The following BRAP variants were observed in gnomAD, a reference collection of about 807,000 sequenced individuals.
BRAP encodes BRCA1 associated protein.
In BRAP, 42 loss-of-function variants were observed where a neutral mutation model predicts 73.4. The observed-to-expected ratio is 0.57, with a 90% CI of 0.45 to 0.74. The LOEUF is 0.74. Among genes scored for constraint, BRAP ranks in the 30% least tolerant of loss-of-function variants. BRAP has a pLI of 0.00. For synonymous variants in BRAP, 255 were observed against 267.4 expected, an observed-to-expected ratio of 0.95 and a Z score of 0.45; for missense variants, 593 against 751.4, an observed-to-expected ratio of 0.79 and a Z score of 2.46.
At chr12:111,684,533 A>G (rs1050819888) in intron 1 of BRAP, among the ~76,000 whole-genome samples, 20 of 152,178 alleles carry the variant, frequency 1.3e-4, no homozygotes, top group Non-Finnish European at 2.6e-4. Flanking sequence ...CACTTACCAC[A>G]GTTGTAATTC....
In BRAP at chr12:111,683,948, A is replaced by T. The variant is rs554925773; in HGVS notation, c.83-641T>A. 9.0e-4 allele frequency among the ~76,000 whole-genome samples: 137 copies of T among 152,314 alleles called. 3 individuals are homozygous for T. Among genetic ancestry groups the T allele is most frequent in the Middle Eastern group, 6.8e-3 (2 of 294 alleles). On this transcript the variant is annotated intron_variant, in intron 1 of 11. Coordinates refer to ENST00000419234, the MANE Select transcript of BRAP (RefSeq NM_006768.5). ...CATTTTAGTAACACCTGATAAAATG[A>T]AATTGTGTTCAGCCCAAAATGAAGC...
chr12:111,680,571 G>A (rs1289714204), intron 3 of BRAP, among the ~76,000 whole-genome samples: 1 of 151,580 alleles, frequency 6.6e-6, no homozygotes, highest in African/African-American at 2.4e-5. Context: ...GTGGTGGTGT[G>A]CACCTGTGGT....
At position 111,683,689 on chromosome 12, in the gene BRAP, T is replaced by C. The variant is rs561183381; in HGVS notation, c.83-382A>G. ...CCGAGTAGCTGGGATTACAGGCACG[T>C]GCCACCACGCCCAGCTAATTTTTGT... is the stretch of plus-strand genomic sequence containing the variant. On this transcript the variant is annotated intron_variant, in intron 1 of 11. Coordinates refer to ENST00000419234, the MANE Select transcript of BRAP (RefSeq NM_006768.5). 2.0e-4 allele frequency among the ~76,000 whole-genome samples: 31 copies of C among 152,190 alleles called. No homozygotes were observed. In the South Asian group the frequency reaches 6.0e-3, roughly 30 times the overall value.
chr12:111,683,377 A>T, intron 1 of BRAP, 70 bp from the exon 2 acceptor site: 1 of 1,491,902 alleles, frequency 6.7e-7, no homozygotes, highest in Non-Finnish European at 9.0e-7. Flanking sequence ...TTCCTCTATC[A>T]TTAGGTTTTC....
chr12:111,658,179 C>T (rs1008420491), intron 9 of BRAP, among the ~76,000 whole-genome samples: 4 of 152,084 alleles, frequency 2.6e-5, no homozygotes, highest in African/African-American at 9.7e-5. Context: ...ATTCGCCTGC[C>T]TCAGCCTCCC....
At chr12:111,644,787 G>A (rs1886044271) in intron 11 of BRAP, among the ~76,000 whole-genome samples, 1 of 151,916 alleles carries the variant, frequency 6.6e-6, no homozygotes, top group Non-Finnish European at 1.5e-5. Flanking sequence ...ACGGAGTTTC[G>A]CTCTTGTTGC....
intron 5 of BRAP, among the ~76,000 whole-genome samples, chr12:111,672,398 A>G (rs1887212811): frequency 6.6e-6 from 1 of 152,160 alleles, no homozygotes; most frequent in Non-Finnish European, 1.5e-5. Context: ...TTTAAAGTAT[A>G]CAGTTCATTG....
At chr12:111,663,103 TAAAC>T (rs1227191405) in intron 6 of BRAP, among the ~76,000 whole-genome samples, 1 of 152,100 alleles carries the variant, frequency 6.6e-6, no homozygotes, top group Non-Finnish European at 1.5e-5. Context: ...AATAAACTTG[TAAAC>T]AAACAATTAG....
At position 111,683,249 on chromosome 12, in the gene BRAP, AC is replaced by A; in HGVS notation, c.140del (p.Cys47PhefsTer2). On this transcript the variant is annotated frameshift_variant, in exon 2 of 12. Coordinates refer to ENST00000419234, the MANE Select transcript of BRAP (RefSeq NM_006768.5). LOFTEE classifies it high-confidence loss of function. ...KKTTLASAVA[C>X]LEGKSPGEKV... is the part of the protein sequence containing the mutation. ...TCTCTCCTGGTGACTTGCCTTCTAA[AC>A]AGGCTACAGCTGAGGCTAGTGTCGT... 1 of 1,614,146 alleles carries A rather than the reference AC, an allele frequency of 6.2e-7. No homozygotes were observed. Among genetic ancestry groups the A allele is most frequent in the Non-Finnish European group, 8.5e-7 (1 of 1,180,010 alleles).
At chr12:111,652,442 C>T (rs1333480327) in intron 10 of BRAP, among the ~76,000 whole-genome samples, 1 of 152,162 alleles carries the variant, frequency 6.6e-6, no homozygotes, top group Non-Finnish European at 1.5e-5. Flanking sequence ...CCAGGATGGT[C>T]TAGATCTCCT....
At chr12:111,656,044 A>G (rs565217559) in intron 9 of BRAP, among the ~76,000 whole-genome samples, 6 of 152,312 alleles carry the variant, frequency 3.9e-5, no homozygotes, top group Admixed American at 3.3e-4. Context: ...CCTGACTGAT[A>G]GCACTGTGCC....
intron 1 of BRAP, among the ~76,000 whole-genome samples, chr12:111,684,183 G>A (rs78019498): frequency 0.034 from 5,221 of 152,154 alleles, 311 homozygotes; most frequent in African/African-American, 0.12. Context: ...GGCCTGTTTT[G>A]CCCACCACTG....
At chr12:111,676,042 C>A (rs1047518318) in intron 4 of BRAP, among the ~76,000 whole-genome samples, 1 of 151,388 alleles carries the variant, frequency 6.6e-6, no homozygotes, top group South Asian at 2.1e-4. Context: ...TTTTTTTGAT[C>A]TTTTAAAAAA....
intron 11 of BRAP, among the ~76,000 whole-genome samples, chr12:111,645,368 A>G (rs191387231): frequency 6.6e-6 from 1 of 152,342 alleles, no homozygotes; most frequent in African/African-American, 2.4e-5. Context: ...CGTCCAGCCC[A>G]CAAATGTACT....
At chr12:111,659,145 C>T (rs1174432983) in intron 8 of BRAP, 62 bp downstream of exon 8, 8 of 1,551,308 alleles carry the variant, frequency 5.2e-6, no homozygotes, top group African/African-American at 4.1e-5. Flanking sequence ...AAAGTGAAGG[C>T]GTTGTGAAGG....
At chr12:111,662,277 G>A (rs552525076) in intron 6 of BRAP, among the ~76,000 whole-genome samples, 5 of 152,052 alleles carry the variant, frequency 3.3e-5, no homozygotes, top group African/African-American at 9.7e-5. Flanking sequence ...GTGGCTAGGC[G>A]CGGTGGCTCA....
At position 111,644,618 on chromosome 12, in the gene BRAP, C is replaced by T. The variant is rs931997728; in HGVS notation, c.1416-56G>A. On this transcript the variant is annotated intron_variant, in intron 11 of 11. Transcript: ENST00000419234. Reference sequence around the variant, plus strand: ...ATTTTTCATTTGCTGACACAGTCCCCTTTCTGCTCTGGGATTGAACAGAGA... The same window carrying T: ...ATTTTTCATTTGCTGACACAGTCCCTTTTCTGCTCTGGGATTGAACAGAGA... 4.4e-6 allele frequency: 7 copies of T among 1,577,724 alleles called. No individual in the cohort carries two copies. In the African/African-American group the frequency reaches 8.1e-5, roughly 18 times the overall value.
chr12:111,659,233 T>C lies in BRAP; in HGVS notation c.1085A>G (p.Asn362Ser), dbSNP rs1158699819. Reference sequence around the variant, plus strand: ...TCCAGCATAGTCCCAGACTCGATGGTTGGTAAGCTGCATGGCATACGTGTG... The same window carrying C: ...TCCAGCATAGTCCCAGACTCGATGGCTGGTAAGCTGCATGGCATACGTGTG... ...TQHTYAMQLTNHRVWDYAGDN... is the reference protein window; with the variant it reads ...TQHTYAMQLTSHRVWDYAGDN... The change falls in exon 8 of 12, where the codon AAC (asparagine) becomes AGC (serine). Residue 362 changes from asparagine (N) to serine (S), a missense_variant. Physicochemically the swap from Asn to Ser is conservative, Grantham distance 46. Around this residue, in one of 4 missense-constraint regions of BRAP, gnomAD observed 67 missense variants for 158.0 expected, o/e 0.42. Transcript: ENST00000419234. 6.2e-7 allele frequency: 1 copy of C among 1,613,968 alleles called. No homozygotes were observed. Among genetic ancestry groups the C allele is most frequent in the East Asian group, 2.2e-5 (1 of 44,872 alleles).
intron 1 of BRAP, 182 bp downstream of exon 1, chr12:111,685,529 G>A: frequency 7.6e-7 from 1 of 1,314,050 alleles, no homozygotes; most frequent in Non-Finnish European, 9.8e-7. Context: ...GGGCTTCCCT[G>A]AGATAACAAA....
Sources: allele counts gnomAD v4.1 joint callset (sites outside exome capture counted in the v4.1 genomes callset), GRCh38; gene constraint gnomAD v4.1.1; regional missense constraint gnomAD v4.1.1; transcripts MANE v1.5; gene names NCBI Gene and HGNC (gene_info 2026-07-23, HGNC 2026-07-21).